SORBS3: variants seen among roughly 807,000 people sequenced by gnomAD.
SORBS3 encodes the protein sorbin and SH3 domain containing 3.
A neutral mutation model predicts 98.0 loss-of-function variants in SORBS3; 69 were observed. The ratio of observed to expected loss-of-function variants is 0.70; its 90% CI spans 0.58 to 0.86. SORBS3 has a LOEUF of 0.86. Ranked by LOEUF, SORBS3 falls within the 40% of genes least tolerant of loss-of-function variation. The probability of loss-of-function intolerance (pLI) is 0.00; values close to 1 mark genes in which losing one functional copy is unlikely to be tolerated. For synonymous variants in SORBS3, 394 were observed against 355.4 expected (o/e 1.11, Z -1.22); for missense variants, 954 against 908.5 (o/e 1.05, Z -0.64).
intron 10 of SORBS3, 182 bp from the exon 11 acceptor site, chr8:22,565,086 G>C: frequency 7.0e-7 from 1 of 1,435,280 alleles, no homozygotes; most frequent in Non-Finnish European, 9.1e-7. Flanking sequence ...GAGAGGCCGT[G>C]GCGGGGATGC....
At position 22,558,106 on chromosome 8, in the gene SORBS3, G is replaced by A. The variant is rs1357474901; in HGVS notation, c.415-23G>A. 6 of 1,613,316 alleles carry A rather than the reference G, an allele frequency of 3.7e-6. No homozygotes were observed. The Admixed American group carries it at 5.0e-5, about 13-fold the overall frequency. The stretch of plus-strand genomic sequence containing the variant: ...GGAGGGTGAATAAGCAGGGAGGACT[G>A]ACTTTGCATTTTCTGATCCCAGAGC... On this transcript the variant is annotated intron_variant, in intron 4 of 20. Transcript: ENST00000240123.
intron 5 of SORBS3, chr8:22,560,938 C>A: frequency 5.5e-6 from 1 of 181,056 alleles, no homozygotes; most frequent in East Asian, 1.4e-4. Context: ...CCAGAAATTC[C>A]CAGGCACCTT....
At chr8:22,551,733 C>T, upstream of SORBS3, 1 of 984,966 alleles carries the variant, frequency 1.0e-6, no homozygotes, top group Non-Finnish European at 1.2e-6. The surrounding 1 kb of genome is among the most constrained non-coding windows in gnomAD (Gnocchi z 5.8). Context: ...TCGCACGTCC[C>T]TCCTCTCCGG....
chr8:22,562,196 T>C (rs553147932), intron 7 of SORBS3, among the ~76,000 whole-genome samples: 1 of 152,310 alleles, frequency 6.6e-6, no homozygotes, highest in South Asian at 2.1e-4. Flanking sequence ...TGTGATGCGT[T>C]TGTGGTCAGC....
chr8:22,555,902 GAACACCCAGA>G (rs1224911542), intron 3 of SORBS3, among the ~76,000 whole-genome samples: 2 of 152,154 alleles, frequency 1.3e-5, no homozygotes, highest in Non-Finnish European at 2.9e-5. Context: ...CACAATTATG[GAACACCCAGA>G]GCGTGCTGGA....
chr8:22,573,033 C>T (rs1401178390), intron 20 of SORBS3, among the ~76,000 whole-genome samples: 1 of 152,224 alleles, frequency 6.6e-6, no homozygotes, highest in Non-Finnish European at 1.5e-5. Context: ...GATGGGCCGT[C>T]CCCAGAGAGA....
At chr8:22,551,665 G>T (rs1840083523), upstream of SORBS3, 2 of 925,452 alleles carry the variant, frequency 2.2e-6, no homozygotes, top group Non-Finnish European at 2.6e-6. This position sits in a 1 kb window ranked among gnomAD's most constrained non-coding sequence, Gnocchi z 5.8. Context: ...CGCCGGCCAG[G>T]CCTCCTCGGC....
intron 20 of SORBS3, among the ~76,000 whole-genome samples, chr8:22,574,288 A>G (rs950804640): frequency 2.0e-5 from 3 of 152,090 alleles, no homozygotes; most frequent in African/African-American, 4.8e-5. Context: ...CAGCCTTCCC[A>G]TAGGCCTTCC....
chr8:22,557,965 G>C (rs1840217807), intron 4 of SORBS3, among the ~76,000 whole-genome samples, 164 bp from the exon 5 acceptor site: 1 of 152,234 alleles, frequency 6.6e-6, no homozygotes, highest in Non-Finnish European at 1.5e-5. Flanking sequence ...CGTGTTACAT[G>C]AAGCTATTGT....
At chr8:22,566,034 G>C in intron 12 of SORBS3, 162 bp downstream of exon 12, 1 of 588,364 alleles carries the variant, frequency 1.7e-6, no homozygotes, top group Non-Finnish European at 2.5e-6. Flanking sequence ...CACTCTCTGC[G>C]GGGCGCCGTT....
Position 22,556,745 on chromosome 8 carries a change from C to A in SORBS3, c.251C>A (p.Pro84His). ...GCGTGGTATCAGACCTGGCCAGGCC[C>A]TGGGAGCAAGCCCTCTGCAAGCACA... is the stretch of plus-strand genomic sequence containing the variant. The part of the protein sequence containing the change: ...DPAWYQTWPG[P>H]GSKPSASTKI... The change falls in exon 4 of 21, where the codon CCT (proline) becomes CAT (histidine). Residue 84 changes from proline (P) to histidine (H), a missense_variant. Transcript: ENST00000240123. 1 of 1,613,844 alleles carries A rather than the reference C, an allele frequency of 6.2e-7. No homozygotes were observed. The highest frequency in any genetic ancestry group is 8.5e-7 in the Non-Finnish European group (1 of 1,180,044).
In SORBS3 at chr8:22,564,380, G is replaced by A. The variant is rs369568765; in HGVS notation, c.762+11G>A. The A allele has an allele frequency of 1.1e-4, 183 of 1,613,796 alleles. No homozygotes were observed. Among genetic ancestry groups the A allele is most frequent in the Non-Finnish European group, 1.5e-4 (176 of 1,179,826 alleles). On this transcript the variant is annotated intron_variant, in intron 9 of 20. Coordinates refer to ENST00000240123, the MANE Select transcript of SORBS3 (RefSeq NM_005775.5). ...GAGACTGGGCAGAGGGTGAGTGCTGGCTGGCTCTCGGGGTGTGCACGCACC... is the reference window on the plus strand; with the variant it reads ...GAGACTGGGCAGAGGGTGAGTGCTGACTGGCTCTCGGGGTGTGCACGCACC...
chr8:22,555,252 G>C (rs1840163145), intron 3 of SORBS3, among the ~76,000 whole-genome samples: 1 of 152,198 alleles, frequency 6.6e-6, no homozygotes, highest in African/African-American at 2.4e-5. Flanking sequence ...AGGAGCCCTG[G>C]GCGCCGGAGG....
intron 20 of SORBS3, among the ~76,000 whole-genome samples, chr8:22,572,950 G>T (rs1176812901): frequency 6.6e-6 from 1 of 152,222 alleles, no homozygotes; most frequent in East Asian, 1.9e-4. Context: ...GAATCAAGGT[G>T]ACCAACCCAC....
chr8:22,554,155 G>C lies in SORBS3; in HGVS notation c.-55-297G>C, dbSNP rs1035376375. Reference sequence around the variant, plus strand: ...TGCACCCGTGCAGGGAGAGCCCCACGGGCTCCTGGCCAGCCCCTCCCCTCC... The same window carrying C: ...TGCACCCGTGCAGGGAGAGCCCCACCGGCTCCTGGCCAGCCCCTCCCCTCC... On this transcript the variant is annotated intron_variant, in intron 1 of 20. Coordinates refer to ENST00000240123, the MANE Select transcript of SORBS3 (RefSeq NM_005775.5). This position sits in a 1 kb window ranked among gnomAD's most constrained non-coding sequence, Gnocchi z 6.5. The C allele has an allele frequency of 2.3e-5, 5 of 213,936 alleles. No homozygotes were observed. The highest frequency in any genetic ancestry group is 1.8e-3 in the Middle Eastern group (1 of 556). The allele number at this position is 213,936 out of a possible 1,614,324, so 13.3% of individuals were successfully genotyped here. A position where few individuals can be genotyped will look rare whatever the true frequency, so the allele number is the denominator to read the frequency against.
chr8:22,565,906 G>A, intron 12 of SORBS3, 34 bp downstream of exon 12: 1 of 1,222,208 alleles, frequency 8.2e-7, no homozygotes, highest in Non-Finnish European at 1.0e-6. Flanking sequence ...GAAGGGGGCT[G>A]TCCCAGGCCG....
chr8:22,551,820 C>T (rs1299659830), upstream of SORBS3: 2 of 985,900 alleles, frequency 2.0e-6, no homozygotes, highest in Non-Finnish European at 2.4e-6. This position sits in a 1 kb window ranked among gnomAD's most constrained non-coding sequence, Gnocchi z 5.8. Context: ...GGTCCGGCCT[C>T]CGGCGCGCGC....
rs1039841548 is a variant in SORBS3 at position 22,564,753 on chromosome 8, G to T, written c.816+232G>T. On this transcript the variant is annotated intron_variant, in intron 10 of 20. Transcript: ENST00000240123. ...CCAAAGCAGGAGCAGAAAAGGGAGT[G>T]GTCAGTGCGCACTGGGATTATCAGG... 2.1e-6 allele frequency: 3 copies of T among 1,414,816 alleles called. No homozygotes were observed. In the African/African-American group the frequency reaches 4.3e-5, roughly 20 times the overall value. 87.6% of individuals were successfully genotyped at this position (1,414,816 alleles called of 1,614,324 possible).
intron 3 of SORBS3, among the ~76,000 whole-genome samples, chr8:22,555,237 C>T (rs1406077866): frequency 3.9e-5 from 6 of 152,158 alleles, no homozygotes; most frequent in South Asian, 2.1e-4. Context: ...GGAAAGGAAG[C>T]GTGCAGGAGC....
Sources: allele counts gnomAD v4.1 joint callset (sites outside exome capture counted in the v4.1 genomes callset), GRCh38; gene constraint gnomAD v4.1.1; non-coding constraint Gnocchi (gnomAD v3.1); transcripts MANE v1.5; gene names NCBI Gene and HGNC (gene_info 2026-07-23, HGNC 2026-07-21).